Variants in NF1 observed in about 807,000 individuals in gnomAD.
NF1 encodes the protein neurofibromin 1, also known as neurofibromin.
Under a neutral mutation model 325.7 loss-of-function variants are expected in NF1, and 122 were observed. The ratio of observed to expected loss-of-function variants is 0.37; its 90% CI spans 0.32 to 0.44. NF1 has a LOEUF of 0.44. NF1 is among the 20% of genes least tolerant of loss of function. The pLI is 1.00. For missense variants in NF1, 2,140 were observed against 3,415.4 expected (o/e 0.63, Z 9.31); for synonymous variants, 1,091 against 1,186.0 (o/e 0.92, Z 1.65).
rs2151539199 is a variant in NF1 at position 31,326,270 on chromosome 17, T to G, written c.5268+18T>G. 1.2e-6 allele frequency: 2 copies of G among 1,602,268 alleles called. No individual in the cohort carries two copies. The highest frequency in any genetic ancestry group is 1.7e-6 in the Non-Finnish European group (2 of 1,178,892). On this transcript the variant is annotated intron_variant, in intron 37 of 57. Coordinates refer to ENST00000358273, the MANE Select transcript of NF1 (RefSeq NM_001042492.3). ...CTATTAAAGTAAGTTCCAGTCTGTG[T>G]TTTGTAAACGATTCATTGCTTTTCT... is the stretch of plus-strand genomic sequence containing the variant.
At position 31,233,124 on chromosome 17, in the gene NF1, A is replaced by G. The variant is rs202208560; in HGVS notation, c.3619A>G (p.Arg1207Gly). Reference protein sequence around the residue: ...AETVLADRFERLVELVTMMGD... With the variant: ...AETVLADRFEGLVELVTMMGD... ...AACAGTATTGGCTGATCGGTTTGAG[A>G]GATTGGTGGAACTGGTCACAATGAT... The change falls in exon 27 of 58, where the codon AGA becomes GGA. Residue 1207 changes from arginine to glycine, a missense_variant. By Grantham distance (125) the Arg-to-Gly change is moderately radical (BLOSUM62 -2). Around this residue, in one of 10 missense-constraint regions of NF1, gnomAD observed 336 missense variants for 399.0 expected, o/e 0.84. Transcript: ENST00000358273. 6.2e-7 allele frequency: 1 copy of G among 1,614,174 alleles called. No individual in the cohort carries two copies.
intron 21 of NF1, 75 bp downstream of exon 21, chr17:31,229,540 A>G: frequency 1.3e-6 from 2 of 1,510,328 alleles, no homozygotes; most frequent in Non-Finnish European, 1.8e-6. Context: ...TTTCTTTCAG[A>G]TTATTTAAAT....
rs770059876 is a variant in NF1, at chr17:31,296,053, C to G, written c.4836-29767C>G. On this transcript the variant is annotated intron_variant, in intron 36 of 57. Transcript: ENST00000358273. ...ACAGAGACCGAGGTAAGTGAGCAGG[C>G]AGGCTTTCAAGCCTGTTGTTTGAAA... is the stretch of plus-strand genomic sequence containing the variant. 1.9e-6 allele frequency: 3 copies of G among 1,613,958 alleles called. No individual in the cohort carries two copies. In the East Asian group the frequency reaches 6.7e-5, roughly 36 times the overall value.
At chr17:31,128,970 C>A (rs539683016) in intron 1 of NF1, among the ~76,000 whole-genome samples, 6 of 151,414 alleles carry the variant, frequency 4.0e-5, no homozygotes, top group African/African-American at 7.2e-5. Flanking sequence ...CCAATCTCTT[C>A]TGACTTGTAT....
chr17:31,153,619 G>C (rs996474998), intron 1 of NF1, among the ~76,000 whole-genome samples: 1 of 152,004 alleles, frequency 6.6e-6, no homozygotes, highest in Non-Finnish European at 1.5e-5. Context: ...TACCACATTA[G>C]TATTTTTGTT....
At chr17:31,192,814 G>A (rs557251153) in intron 8 of NF1, among the ~76,000 whole-genome samples, 1 of 152,192 alleles carries the variant, frequency 6.6e-6, no homozygotes, top group East Asian at 1.9e-4. Context: ...AGTAAGTCAC[G>A]ATATATAGCG....
chr17:31,281,151 C>T (rs1381954079), intron 36 of NF1, among the ~76,000 whole-genome samples: 1 of 152,196 alleles, frequency 6.6e-6, no homozygotes, highest in Non-Finnish European at 1.5e-5. Flanking sequence ...TGAGCCAAAG[C>T]AGATCGAAAG....
chr17:31,201,633 A>G (rs982672354), intron 11 of NF1, 148 bp downstream of exon 11: 18 of 658,370 alleles, frequency 2.7e-5, no homozygotes, highest in East Asian at 2.7e-5. Flanking sequence ...TGGTGATTCT[A>G]TTTGATAATT....
chr17:31,365,672 G>C (rs1352486481), intron 57 of NF1, among the ~76,000 whole-genome samples: 1 of 152,114 alleles, frequency 6.6e-6, no homozygotes, highest in African/African-American at 2.4e-5. Flanking sequence ...TTAGACCCCA[G>C]GGGAGCAGAG....
chr17:31,295,656 T>G (rs776923255), intron 36 of NF1: 2 of 1,613,992 alleles, frequency 1.2e-6, no homozygotes, highest in Non-Finnish European at 1.7e-6. Flanking sequence ...CATGACCACC[T>G]GTTATTGTAA....
At chr17:31,340,702 T>G (rs1597848342) in intron 47 of NF1, 57 bp downstream of exon 47, 3 of 1,551,612 alleles carry the variant, frequency 1.9e-6, no homozygotes, top group Admixed American at 1.7e-5. Flanking sequence ...CTCTTCCATC[T>G]TTTCTTGTTG....
chr17:31,174,751 T>A (rs549326353), intron 5 of NF1, among the ~76,000 whole-genome samples: 1 of 152,234 alleles, frequency 6.6e-6, no homozygotes, highest in Admixed American at 6.5e-5. Context: ...AAGAATTAAG[T>A]GTATCATACT....
At chr17:31,355,096 G>A (rs1319657981) in intron 51 of NF1, among the ~76,000 whole-genome samples, 1 of 151,692 alleles carries the variant, frequency 6.6e-6, no homozygotes, top group East Asian at 1.9e-4. Context: ...CTGGAATTCG[G>A]GAAGAAAGTA....
At chr17:31,145,572 C>G (rs1300575788) in intron 1 of NF1, among the ~76,000 whole-genome samples, 1 of 152,094 alleles carries the variant, frequency 6.6e-6, no homozygotes, top group Non-Finnish European at 1.5e-5. Context: ...AACACCTTAT[C>G]TGATAAATTC....
At chr17:31,365,058 G>A (rs574615608) in intron 57 of NF1, among the ~76,000 whole-genome samples, 1 of 152,196 alleles carries the variant, frequency 6.6e-6, no homozygotes, top group East Asian at 1.9e-4. Context: ...TAACACTTTT[G>A]GGAGGCCGAG....
chr17:31,099,544 T>C (rs1369349483), intron 1 of NF1, among the ~76,000 whole-genome samples: 3 of 149,996 alleles, frequency 2.0e-5, no homozygotes, highest in African/African-American at 7.3e-5. Flanking sequence ...AACTGACAAA[T>C]TGTAGGTGTG....
At position 31,249,078 on chromosome 17, in the gene NF1, T is replaced by G. The variant is rs1207255352; in HGVS notation, c.4069T>G (p.Phe1357Val). The stretch of plus-strand genomic sequence containing the variant: ...TGCCATCATCAGTTCCTCCTCAGAA[T>G]TCCCCCCTCAACTTCGAAGTGTGTG... ...FHAIISSSSE[F>V]PPQLRSVCHC... Residue 1357 changes from phenylalanine (F) to valine (V), a missense_variant, in exon 30 of 58, where the codon TTC becomes GTC. Coordinates refer to ENST00000358273, the MANE Select transcript of NF1 (RefSeq NM_001042492.3). 1 of 1,614,152 alleles carries G rather than the reference T, an allele frequency of 6.2e-7. No homozygotes were observed. Among genetic ancestry groups the G allele is most frequent in the Non-Finnish European group, 8.5e-7 (1 of 1,180,004 alleles).
At chr17:31,369,632 G>A (rs1422281569) in intron 57 of NF1, among the ~76,000 whole-genome samples, 1 of 152,124 alleles carries the variant, frequency 6.6e-6, no homozygotes, top group Non-Finnish European at 1.5e-5. Flanking sequence ...AATGCTTTAG[G>A]GGCAAAAGAG....
At chr17:31,372,177 C>T (rs1567633631) in intron 57 of NF1, among the ~76,000 whole-genome samples, 1 of 152,126 alleles carries the variant, frequency 6.6e-6, no homozygotes, top group Non-Finnish European at 1.5e-5. Flanking sequence ...TCTTGCCATA[C>T]AGAGGTAAAA....
Sources: allele counts gnomAD v4.1 joint callset (sites outside exome capture counted in the v4.1 genomes callset), GRCh38; gene constraint gnomAD v4.1.1; regional missense constraint gnomAD v4.1.1; transcripts MANE v1.5; gene names NCBI Gene and HGNC (gene_info 2026-07-23, HGNC 2026-07-21).